AXDND1: variants seen among roughly 807,000 people sequenced by gnomAD.
AXDND1 encodes the protein axonemal dynein light chain domain-containing protein 1.
AXDND1 carries 110 observed loss-of-function variants against 137.5 expected under a neutral mutation model. The ratio of observed to expected loss-of-function variants is 0.80; its 90% CI spans 0.69 to 0.94. The LOEUF (loss-of-function observed/expected upper bound fraction) is 0.94, where lower values mean the gene tolerates loss of function less well. Ranked by LOEUF, AXDND1 falls within the 40% of genes least tolerant of loss-of-function variation. AXDND1 has a pLI of 0.00. For synonymous variants in AXDND1, 414 were observed against 399.7 expected (o/e 1.04, Z -0.43); for missense variants, 1,191 against 1,169.8 (o/e 1.02, Z -0.26).
At position 179,442,693 on chromosome 1, in the gene AXDND1, C is replaced by T. The variant is rs545859207; in HGVS notation, c.1564-2277C>T. Among the ~76,000 whole-genome samples, 4 of 152,268 alleles carry T rather than the reference C, an allele frequency of 2.6e-5. No homozygotes were observed. The East Asian group carries it at 7.7e-4, about 29-fold the overall frequency. ...TCTCGGTACCTCTTTAGGGCACTGA[C>T]CTTACATCCGCTGCCGGCAGACTCA... is the stretch of plus-strand genomic sequence containing the variant. On this transcript the variant is annotated intron_variant, in intron 15 of 25. Coordinates refer to ENST00000367618, the MANE Select transcript of AXDND1 (RefSeq NM_144696.6).
At chr1:179,410,319 C>G (rs1330248646) in intron 11 of AXDND1, among the ~76,000 whole-genome samples, 2 of 152,138 alleles carry the variant, frequency 1.3e-5, no homozygotes, top group South Asian at 2.1e-4. Flanking sequence ...CAACCTCTGC[C>G]CCCCAGGTTC....
At chr1:179,369,035 A>ATTATGTATTATGTATTATTATTATTT in intron 3 of AXDND1, 63 bp downstream of exon 3, 1 of 1,441,510 alleles carries the variant, frequency 6.9e-7, no homozygotes, top group Non-Finnish European at 9.5e-7. Context: ...ATTATTCTTT[A>ATTATGTATTATGTATTATTATTATTT]AGTATTTATT....
At chr1:179,486,119 C>CAAAAAAAAAAAAAAAA (rs1173009992) in intron 18 of AXDND1, among the ~76,000 whole-genome samples, 24 of 22,626 alleles carry the variant, frequency 1.1e-3, no homozygotes, top group Non-Finnish European at 1.7e-3. Context: ...AACTCTGTCT[C>CAAAAAAAAAAAAAAAA]AAAAAAAAAA....
At chr1:179,457,360 T>A (rs1164882274) in intron 16 of AXDND1, 2 of 494,322 alleles carry the variant, frequency 4.0e-6, no homozygotes, top group Non-Finnish European at 7.2e-6. Context: ...GAGACTTTAA[T>A]GATGCTTCTT....
chr1:179,367,365 T>G (rs745444800), intron 2 of AXDND1, among the ~76,000 whole-genome samples: 1 of 150,988 alleles, frequency 6.6e-6, no homozygotes, highest in Non-Finnish European at 1.5e-5. Context: ...AATACAAAAA[T>G]TAGGGGGGGC....
At chr1:179,442,196 A>G (rs1433631913) in intron 15 of AXDND1, among the ~76,000 whole-genome samples, 1 of 152,144 alleles carries the variant, frequency 6.6e-6, no homozygotes, top group Non-Finnish European at 1.5e-5. Flanking sequence ...GGCCGTACAG[A>G]TGTTTCTGCA....
intron 8 of AXDND1, among the ~76,000 whole-genome samples, chr1:179,384,822 C>T (rs887246439): frequency 1.3e-5 from 2 of 151,242 alleles, no homozygotes; most frequent in African/African-American, 4.9e-5. Flanking sequence ...CTGGAGTACA[C>T]TGTGATTATG....
intron 5 of AXDND1, among the ~76,000 whole-genome samples, chr1:179,378,976 C>T (rs531742469): frequency 1.3e-5 from 2 of 152,176 alleles, no homozygotes; most frequent in East Asian, 1.9e-4. Flanking sequence ...AGCCATTTTG[C>T]GAACCACAGT....
At chr1:179,474,238 C>T (rs368969565) in intron 17 of AXDND1, among the ~76,000 whole-genome samples, 3 of 151,768 alleles carry the variant, frequency 2.0e-5, no homozygotes, top group Admixed American at 6.6e-5. Context: ...AAAAACTTAC[C>T]TAGTCTTGGG....
intron 16 of AXDND1, chr1:179,448,514 T>A (rs1358354054): frequency 5.5e-6 from 2 of 363,484 alleles, no homozygotes; most frequent in Non-Finnish European, 1.1e-5. Flanking sequence ...AATACCGTAA[T>A]GCATCGTACA....
At chr1:179,508,450 A>G (rs1668732261) in intron 20 of AXDND1, among the ~76,000 whole-genome samples, 1 of 152,118 alleles carries the variant, frequency 6.6e-6, no homozygotes, top group African/African-American at 2.4e-5. Flanking sequence ...TTTTTTGGCT[A>G]GAGTGACCAG....
intron 18 of AXDND1, among the ~76,000 whole-genome samples, chr1:179,489,841 G>C (rs1339697069): frequency 6.7e-6 from 1 of 149,948 alleles, no homozygotes; most frequent in African/African-American, 2.5e-5. Context: ...CGCCTCCCGG[G>C]TTCAAGCCAT....
chr1:179,491,527 T>C lies in AXDND1; in HGVS notation c.2092-11T>C. On this transcript the variant is annotated splice_polypyrimidine_tract_variant and intron_variant, in intron 18 of 25. Transcript: ENST00000367618. ...AAGTGGGTCATTTGTATTATACTCA[T>C]TTTTTAACAGATGGATGAGTTACAT... 1.3e-6 allele frequency: 2 copies of C among 1,563,608 alleles called. 1 individual carries two copies.
At chr1:179,492,112 C>T (rs942669462) in intron 19 of AXDND1, among the ~76,000 whole-genome samples, 2 of 152,134 alleles carry the variant, frequency 1.3e-5, no homozygotes, top group Admixed American at 6.5e-5. Flanking sequence ...TTTCTTCTGT[C>T]ACCGAGGCTA....
chr1:179,490,318 C>T (rs1472272891), intron 18 of AXDND1, among the ~76,000 whole-genome samples: 1 of 152,112 alleles, frequency 6.6e-6, no homozygotes, highest in African/African-American at 2.4e-5. Context: ...CAGAACTAAC[C>T]AAACAGCGAA....
chr1:179,375,615 A>G (rs1668537677), intron 4 of AXDND1, among the ~76,000 whole-genome samples: 3 of 119,580 alleles, frequency 2.5e-5, no homozygotes, highest in South Asian at 2.6e-4. Context: ...ACATGTGTGT[A>G]TCTACACACA....
chr1:179,497,971 A>G (rs184933040), intron 20 of AXDND1, among the ~76,000 whole-genome samples: 41 of 152,310 alleles, frequency 2.7e-4, no homozygotes, highest in Admixed American at 1.4e-3. Flanking sequence ...AGGCGTCTAC[A>G]AGGAGAACTA....
chr1:179,486,940 G>C lies in AXDND1; in HGVS notation c.2091+3719G>C, dbSNP rs1389242886. On this transcript the variant is annotated intron_variant, in intron 18 of 25. Transcript: ENST00000367618. ...CTGCATAGTAGCCAGCTAACAACAT[G>C]ATGACAGGATCAAATCCACACATAT... 4.0e-5 allele frequency among the ~76,000 whole-genome samples: 6 copies of C among 148,566 alleles called. 1 individual carries two copies. Among genetic ancestry groups the C allele is most frequent in the African/African-American group, 1.5e-4 (6 of 38,978 alleles).
At chr1:179,483,747 C>T (rs1665704717) in intron 18 of AXDND1, among the ~76,000 whole-genome samples, 1 of 152,066 alleles carries the variant, frequency 6.6e-6, no homozygotes, top group Admixed American at 6.6e-5. Context: ...TAGAAAGTGC[C>T]TTTATATACC....
Sources: gnomAD v4.1 joint callset for allele counts (sites outside exome capture counted in the v4.1 genomes callset) on GRCh38, gnomAD v4.1.1 for gene constraint, MANE v1.5 for transcripts, NCBI Gene and HGNC (gene_info 2026-07-23, HGNC 2026-07-21) for gene names.